Variants in BRCA1 observed in about 807,000 individuals in gnomAD.
BRCA1 encodes breast cancer type 1 susceptibility protein.
A neutral mutation model predicts 173.7 loss-of-function variants in BRCA1; 140 were observed. The observed-to-expected ratio is 0.81, with a 90% confidence interval of 0.70 to 0.93. The LOEUF is 0.93. Ranked by LOEUF, BRCA1 falls within the 40% of genes least tolerant of loss-of-function variation. The pLI, the probability that BRCA1 is intolerant of heterozygous loss-of-function variation, is 0.00. For synonymous variants in BRCA1, 662 were observed against 756.0 expected, an observed-to-expected ratio of 0.88 and a Z score of 2.04; for missense variants, 1,983 against 2,172.5, an observed-to-expected ratio of 0.91 and a Z score of 1.73.
chr17:43,083,546 T>G (rs959048600), intron 11 of BRCA1, among the ~76,000 whole-genome samples: 4 of 152,144 alleles, frequency 2.6e-5, no homozygotes, highest in African/African-American at 9.7e-5. Flanking sequence ...TACTATCTAT[T>G]AAGCACCAGG....
At chr17:43,148,414 T>TG (rs1008126986) in intron 1 of BRCA1, 4 of 152,168 alleles carry the variant, frequency 2.6e-5, no homozygotes, top group African/African-American at 9.7e-5. Flanking sequence ...CAAAAGGAGA[T>TG]GGGGTGGGGC....
rs1555588896 is a variant in BRCA1 at position 43,092,716 on chromosome 17, C to T, written c.2815G>A (p.Val939Ile). ...FPVVGQKDKP[V>I]DNAKCSIKGG... Reference sequence around the variant, plus strand: ...TTGATACTACATTTGGCATTATCAACTGGCTTATCTTTCTGACCAACCACA... The same window carrying T: ...TTGATACTACATTTGGCATTATCAATTGGCTTATCTTTCTGACCAACCACA... The change falls in exon 10 of 23, where the codon GTT becomes ATT. Residue 939 changes from valine (V) to isoleucine (I), a missense_variant. Val to Ile is a conservative substitution (Grantham distance 29). Coordinates refer to ENST00000357654, the MANE Select transcript of BRCA1 (RefSeq NM_007294.4). 1 of 1,614,140 alleles carries T rather than the reference C, an allele frequency of 6.2e-7. No individual in the cohort carries two copies. Among genetic ancestry groups the T allele is most frequent in the Non-Finnish European group, 8.5e-7 (1 of 1,180,006 alleles).
chr17:43,057,403 T>C (rs1343735805), intron 18 of BRCA1, among the ~76,000 whole-genome samples: 1 of 150,338 alleles, frequency 6.7e-6, no homozygotes, highest in Non-Finnish European at 1.5e-5. Flanking sequence ...CCCAGCTACT[T>C]GGGAGGCTGA....
rs551138669 is a variant in BRCA1, at chr17:43,047,552, G to T, written c.5467+91C>A. ...TCAACAAATATTTAAAATGTGCCAA[G>T]AACTGTGCTACTCAAGCACCAGGTA... On this transcript the variant is annotated intron_variant, in intron 22 of 22. Transcript: ENST00000357654. 11 of 1,256,594 alleles carry T rather than the reference G, an allele frequency of 8.8e-6. 1 individual carries two copies. In the South Asian group the frequency reaches 1.2e-4, roughly 14 times the overall value. The allele number at this position is 1,256,594 out of a possible 1,614,324, so 77.8% of individuals were successfully genotyped here. A position where few individuals can be genotyped will look rare whatever the true frequency, so the allele number is the denominator to read the frequency against.
chr17:43,047,702 C>T lies in BRCA1; in HGVS notation c.5408G>A (p.Gly1803Asp), dbSNP rs80357149. The T allele has an allele frequency of 6.2e-7, 1 of 1,614,040 alleles. No homozygotes were observed. The highest frequency in any genetic ancestry group is 2.2e-5 in the East Asian group (1 of 44,896). ...KELSSFTLGT[G>D]VHPIVVVQPD... ...CTGCACAACCACAATTGGGTGGACA[C>T]CCTGGATCCCCAGGAAGGAAAGAGC... is the stretch of plus-strand genomic sequence containing the variant. The change falls in exon 22 of 23, where the codon GGT becomes GAT. Residue 1803 changes from glycine (G) to aspartate (D), a missense_variant and splice_region_variant. Coordinates refer to ENST00000357654, the MANE Select transcript of BRCA1 (RefSeq NM_007294.4).
At chr17:43,138,755 A>G (rs759615392) in intron 1 of BRCA1, 1 of 779,150 alleles carries the variant, frequency 1.3e-6, no homozygotes, top group Non-Finnish European at 2.4e-6. Context: ...GAAAGGAGGT[A>G]GAAGTCATCC....
At chr17:43,045,985 CA>C (rs1459370054) in intron 22 of BRCA1, among the ~76,000 whole-genome samples, 183 bp from the exon 23 acceptor site, 1 of 149,430 alleles carries the variant, frequency 6.7e-6, no homozygotes, top group East Asian at 2.0e-4. Context: ...TGTGATGGCG[CA>C]ATCTCGGCTC....
intron 16 of BRCA1, among the ~76,000 whole-genome samples, chr17:43,065,998 T>C (rs2052052791): frequency 6.6e-6 from 1 of 152,240 alleles, no homozygotes; most frequent in East Asian, 1.9e-4. Flanking sequence ...AATTTGTCAG[T>C]GACCATGTTA....
chr17:43,154,971 G>A (rs538878121), intron 1 of BRCA1, among the ~76,000 whole-genome samples: 3 of 152,130 alleles, frequency 2.0e-5, no homozygotes, highest in Non-Finnish European at 4.4e-5. Context: ...ATTAGGGGAA[G>A]AGCATTCCAG....
intron 1 of BRCA1, among the ~76,000 whole-genome samples, chr17:43,143,406 G>A (rs573399421): frequency 6.6e-6 from 1 of 152,138 alleles, no homozygotes; most frequent in African/African-American, 2.4e-5. Flanking sequence ...ACCGATGGGC[G>A]GCTCACTTTG....
intron 11 of BRCA1, among the ~76,000 whole-genome samples, chr17:43,085,733 GTGGCTAATTCTAA>G (rs1206455752): frequency 6.6e-6 from 1 of 152,134 alleles, no homozygotes; most frequent in Non-Finnish European, 1.5e-5. Context: ...TGGGCAGAAT[GTGGCTAATTCTAA>G]TAAGACTCCT....
intron 1 of BRCA1, among the ~76,000 whole-genome samples, chr17:43,147,163 G>A (rs544132518): frequency 2.4e-4 from 37 of 152,246 alleles, no homozygotes; most frequent in Non-Finnish European, 3.2e-4. Flanking sequence ...ACCGCGCCCG[G>A]CTAATTTTGT....
At chr17:43,067,337 C>G in intron 16 of BRCA1, 2 of 350,004 alleles carry the variant, frequency 5.7e-6, no homozygotes, top group South Asian at 5.2e-5. Context: ...TCACTGCAAC[C>G]TCCATCTCCC....
intron 22 of BRCA1, 86 bp from the exon 23 acceptor site, chr17:43,045,888 G>C: frequency 6.5e-7 from 1 of 1,540,648 alleles, no homozygotes. Context: ...GGTCCTGGTT[G>C]TATGAGTTCT....
intron 4 of BRCA1, among the ~76,000 whole-genome samples, chr17:43,105,512 G>A (rs944244219): frequency 2.6e-5 from 4 of 152,126 alleles, no homozygotes; most frequent in African/African-American, 7.2e-5. Flanking sequence ...GAGTGCTAGG[G>A]TTATAGGCAT....
chr17:43,131,057 G>T (rs2055960762), intron 1 of BRCA1, among the ~76,000 whole-genome samples: 1 of 152,130 alleles, frequency 6.6e-6, no homozygotes, highest in Non-Finnish European at 1.5e-5. Context: ...TTAACCCTTT[G>T]CTGTGGGTTG....
chr17:43,044,499 C>G lies in BRCA1; in HGVS notation c.*1179G>C. ...TCAGCAAGCAAAATTATTTATGAAG[C>G]TGTATGGTTTCAGCAACAGGGAGCA... On this transcript the variant is annotated 3_prime_UTR_variant, in exon 23 of 23. Coordinates refer to ENST00000357654, the MANE Select transcript of BRCA1 (RefSeq NM_007294.4). 1 of 508,010 alleles carries G rather than the reference C, an allele frequency of 2.0e-6. No homozygotes were observed. The highest frequency in any genetic ancestry group is 3.9e-6 in the Non-Finnish European group (1 of 259,588). The allele number at this position is 508,010 out of a possible 1,614,324, so 31.5% of individuals were successfully genotyped here.
chr17:43,169,934 T>G, intron 1 of BRCA1: 1 of 459,884 alleles, frequency 2.2e-6, no homozygotes, highest in Non-Finnish European at 4.4e-6. Context: ...CCAGGACCTT[T>G]GCAAACAAGC....
intron 3 of BRCA1, among the ~76,000 whole-genome samples, chr17:43,115,144 G>A (rs1318474680): frequency 1.3e-5 from 2 of 152,166 alleles, no homozygotes; most frequent in East Asian, 3.9e-4. Flanking sequence ...ACTGCTTGCA[G>A]TTTGCTTTCA....
Sources: gnomAD v4.1 joint callset for allele counts (sites outside exome capture counted in the v4.1 genomes callset) on GRCh38, gnomAD v4.1.1 for gene constraint, MANE v1.5 for transcripts, NCBI Gene and HGNC (gene_info 2026-07-23, HGNC 2026-07-21) for gene names.